TXNL4B: variants seen among roughly 807,000 people sequenced by gnomAD.
TXNL4B encodes thioredoxin like 4B, also known as thioredoxin-like protein 4B.
Under a neutral mutation model 13.0 loss-of-function variants are expected in TXNL4B, and 12 were observed. The ratio of observed to expected loss-of-function variants is 0.92; its 90% CI spans 0.59 to 1.49. TXNL4B has a LOEUF of 1.49. Ranked by LOEUF, TXNL4B falls within the 40% of genes most tolerant of loss-of-function variation. The pLI is 0.00. For synonymous variants in TXNL4B, 59 were observed against 58.9 expected (o/e 1.00, Z -0.01); for missense variants, 214 against 173.6 (o/e 1.23, Z -1.31).
chr16:72,088,262 C>T (rs1473240409), intron 3 of TXNL4B, among the ~76,000 whole-genome samples: 1 of 152,176 alleles, frequency 6.6e-6, no homozygotes, highest in Non-Finnish European at 1.5e-5. Flanking sequence ...CTATGCCCAG[C>T]CTAAAACACT....
rs559444114 is a variant in TXNL4B at position 72,089,190 on chromosome 16, T to C, written c.133-52A>G. ...TACAATATGAGAGGCAGCTTAATGT[T>C]TCTTCTGTGAAACTTGTTACTACAA... On this transcript the variant is annotated intron_variant, in intron 2 of 3. Coordinates refer to ENST00000268483, the MANE Select transcript of TXNL4B (RefSeq NM_017853.3). The C allele has an allele frequency of 1.6e-4, 237 of 1,514,940 alleles. 2 individuals are homozygous for C. Among genetic ancestry groups the C allele is most frequent in the Middle Eastern group, 1.6e-3 (9 of 5,768 alleles). 93.8% of individuals were successfully genotyped at this position (1,514,940 alleles called of 1,614,324 possible).
rs527517967 is a variant in TXNL4B at position 72,086,513 on chromosome 16, G to A, written c.*124C>T. On this transcript the variant is annotated 3_prime_UTR_variant, in exon 4 of 4. Coordinates refer to ENST00000268483, the MANE Select transcript of TXNL4B (RefSeq NM_017853.3). ...TCCTCAGGGGCCGGGTTTTCTACAC[G>A]CAAGTCAAACCTCTTCTCCTCTGGG... 35 of 869,620 alleles carry A rather than the reference G, an allele frequency of 4.0e-5. No homozygotes were observed. Among genetic ancestry groups the A allele is most frequent in the East Asian group, 2.7e-4 (10 of 37,688 alleles). 53.9% of individuals were successfully genotyped at this position (869,620 alleles called of 1,614,324 possible).
In TXNL4B at chr16:72,086,212, C is replaced by T. The variant is rs1010176181; in HGVS notation, c.*425G>A. On this transcript the variant is annotated 3_prime_UTR_variant, in exon 4 of 4. Transcript: ENST00000268483. ...GGGTGTGTGTGTGTGTGTGTGTGCA[C>T]ACACATGCACCCAGCTAGGGTAGAA... 13 of 156,574 alleles carry T rather than the reference C, an allele frequency of 8.3e-5. No individual in the cohort carries two copies. Among genetic ancestry groups the T allele is most frequent in the South Asian group, 1.9e-4 (1 of 5,186 alleles). 9.7% of individuals were successfully genotyped at this position (156,574 alleles called of 1,614,324 possible). A position where few individuals can be genotyped will look rare whatever the true frequency, so the allele number is the denominator to read the frequency against.
rs1180299171 is a variant in TXNL4B, at chr16:72,090,661, A to T, written c.89T>A (p.Phe30Tyr). The T allele has an allele frequency of 1.2e-6, 2 of 1,614,128 alleles. No homozygotes were observed. Among genetic ancestry groups the T allele is most frequent in the Non-Finnish European group, 1.7e-6 (2 of 1,180,026 alleles). ...STAEKVLVLRFGRDEDPVCLQ... is the reference protein window; with the variant it reads ...STAEKVLVLRYGRDEDPVCLQ... Reference sequence around the variant, plus strand: ...ACAGACAGGATCTTCATCTCTCCCAAACCTGAGAACCAACACCTTCTCAGC... The same window carrying T: ...ACAGACAGGATCTTCATCTCTCCCATACCTGAGAACCAACACCTTCTCAGC... The change falls in exon 2 of 4, where the codon TTT (phenylalanine) becomes TAT (tyrosine). Residue 30 changes from phenylalanine to tyrosine, a missense_variant. Coordinates refer to ENST00000268483, the MANE Select transcript of TXNL4B (RefSeq NM_017853.3).
chr16:72,088,101 G>A (rs2041850372), intron 3 of TXNL4B, among the ~76,000 whole-genome samples: 1 of 152,166 alleles, frequency 6.6e-6, no homozygotes, highest in Non-Finnish European at 1.5e-5. Context: ...TTACACGCGT[G>A]AGCCACTGCG....
rs34306814 is a variant in TXNL4B, at chr16:72,092,419, C to CAA, written c.-38+946_-38+947dup. ...GGCAACAAGAGCGAAGCTCCGTCTC[C>CAA]AAAAAAAAAAAAAGGAATTATTTAA... On this transcript the variant is annotated intron_variant, in intron 1 of 3. Coordinates refer to ENST00000268483, the MANE Select transcript of TXNL4B (RefSeq NM_017853.3). Among the ~76,000 whole-genome samples, 166 of 135,348 alleles carry CAA rather than the reference C, an allele frequency of 1.2e-3. 2 individuals carry two copies. In the South Asian group the frequency reaches 0.013, roughly 11 times the overall value. 88.8% of individuals were successfully genotyped at this position (135,348 alleles called of 152,430 possible). A position where few individuals can be genotyped will look rare whatever the true frequency, so the allele number is the denominator to read the frequency against.
intron 3 of TXNL4B, among the ~76,000 whole-genome samples, chr16:72,087,662 TTG>T (rs953574084): frequency 3.6e-4 from 54 of 151,810 alleles, no homozygotes; most frequent in Middle Eastern, 3.4e-3. Flanking sequence ...TGTTTTTTTT[TTG>T]TTGTTGTTGT....
At chr16:72,089,849 G>A (rs939391248) in intron 2 of TXNL4B, among the ~76,000 whole-genome samples, 2 of 152,172 alleles carry the variant, frequency 1.3e-5, no homozygotes, top group Non-Finnish European at 2.9e-5. Context: ...CCATTTTATA[G>A]ATAGGGAAAC....
chr16:72,088,931 A>T, intron 3 of TXNL4B, 56 bp downstream of exon 3: 2 of 1,437,632 alleles, frequency 1.4e-6, no homozygotes, highest in Non-Finnish European at 1.9e-6. Context: ...GCTACTGAAA[A>T]TGCTTACCAA....
intron 1 of TXNL4B, among the ~76,000 whole-genome samples, chr16:72,091,996 CAAAG>C (rs2041912457): frequency 6.6e-6 from 1 of 152,172 alleles, no homozygotes; most frequent in Non-Finnish European, 1.5e-5. Flanking sequence ...AACTCTTTGA[CAAAG>C]AAGCTTAGTT....
chr16:72,089,096 A>G lies in TXNL4B; in HGVS notation c.175T>C (p.Tyr59His). 6.2e-7 allele frequency: 1 copy of G among 1,612,834 alleles called. No individual in the cohort carries two copies. Among genetic ancestry groups the G allele is most frequent in the South Asian group, 1.1e-5 (1 of 91,024 alleles). Residue 59 changes from tyrosine (Y) to histidine (H), a missense_variant, in exon 3 of 4, where the codon TAC (tyrosine) becomes CAC (histidine). By Grantham distance (83) the Tyr-to-His change is moderately conservative (BLOSUM62 2). Coordinates refer to ENST00000268483, the MANE Select transcript of TXNL4B (RefSeq NM_017853.3). ...GCAGTTTGGTCCACATCTACCAGGTATATAGCAGCCATTTTACTTAAGTCA... is the reference window on the plus strand; with the variant it reads ...GCAGTTTGGTCCACATCTACCAGGTGTATAGCAGCCATTTTACTTAAGTCA... ...SSDLSKMAAI[Y>H]LVDVDQTAVY...
In TXNL4B at chr16:72,086,024, T is replaced by C. The variant is rs1419713117; in HGVS notation, c.*613A>G. The C allele has an allele frequency of 6.7e-6, 1 of 149,314 alleles. No homozygotes were observed. Among genetic ancestry groups the C allele is most frequent in the Admixed American group, 6.7e-5 (1 of 15,016 alleles). 9.2% of individuals were successfully genotyped at this position (149,314 alleles called of 1,614,324 possible). A position where few individuals can be genotyped will look rare whatever the true frequency, so the allele number is the denominator to read the frequency against. On this transcript the variant is annotated 3_prime_UTR_variant, in exon 4 of 4. Transcript: ENST00000268483. ...CTCAAAAAAAAAAAAAAAAATTAAA[T>C]GAGCCAACCAGGACAATGTTTAAAA...
chr16:72,088,898 CAACA>C, intron 3 of TXNL4B, 85 bp downstream of exon 3: 1 of 1,018,150 alleles, frequency 9.8e-7, no homozygotes. Flanking sequence ...CTCACAGAGC[CAACA>C]TCACATGGAA....
At position 72,090,760 on chromosome 16, in the gene TXNL4B, C is replaced by T. The variant is rs774906147; in HGVS notation, c.-11G>A. 8 of 1,613,884 alleles carry T rather than the reference C, an allele frequency of 5.0e-6. No individual in the cohort carries two copies. Among genetic ancestry groups the T allele is most frequent in the Middle Eastern group, 1.7e-4 (1 of 6,060 alleles). ...CAGTAGGAAGCTCATCTTGAAATAA[C>T]CCAAATGTGAATCCTCACTGTCACT... On this transcript the variant is annotated 5_prime_UTR_variant, in exon 2 of 4. Coordinates refer to ENST00000268483, the MANE Select transcript of TXNL4B (RefSeq NM_017853.3).
At chr16:72,090,843 T>TA (rs1271303998) in intron 1 of TXNL4B, 57 bp from the exon 2 acceptor site, 162 of 1,389,812 alleles carry the variant, frequency 1.2e-4, no homozygotes, top group South Asian at 1.6e-4. Context: ...GAGCCCTCAT[T>TA]AAAAAAAATT....
chr16:72,091,112 G>A (rs948373409), intron 1 of TXNL4B, among the ~76,000 whole-genome samples: 1 of 152,120 alleles, frequency 6.6e-6, no homozygotes, highest in African/African-American at 2.4e-5. Context: ...TATTGTATCA[G>A]TGTTCCAGCA....
At chr16:72,093,709 TC>T (rs1286818755), upstream of TXNL4B, 1 of 152,410 alleles carries the variant, frequency 6.6e-6, no homozygotes, top group Non-Finnish European at 1.5e-5. Context: ...TCGACCTTTT[TC>T]CCCTCCTTTT....
intron 1 of TXNL4B, among the ~76,000 whole-genome samples, chr16:72,093,159 G>T (rs1026172139): frequency 6.6e-6 from 1 of 152,148 alleles, no homozygotes; most frequent in Non-Finnish European, 1.5e-5. Flanking sequence ...AAAAAAGCTT[G>T]AACTCACTTT....
At chr16:72,092,969 A>C (rs139604221) in intron 1 of TXNL4B, among the ~76,000 whole-genome samples, 4 of 152,272 alleles carry the variant, frequency 2.6e-5, no homozygotes, top group East Asian at 3.9e-4. Context: ...GAAAACTGAC[A>C]TACTCTTTGA....
Sources: gnomAD v4.1 joint callset for allele counts (sites outside exome capture counted in the v4.1 genomes callset) on GRCh38, gnomAD v4.1.1 for gene constraint, MANE v1.5 for transcripts, NCBI Gene and HGNC (gene_info 2026-07-23, HGNC 2026-07-21) for gene names.